Variants in PTER observed in about 807,000 individuals in gnomAD.
PTER encodes the protein phosphotriesterase related.
In PTER, 38 loss-of-function variants were observed where a neutral mutation model predicts 29.6. The ratio of observed to expected loss-of-function variants is 1.28; its 90% CI spans 0.99 to 1.68. The LOEUF (loss-of-function observed/expected upper bound fraction) is 1.68, where lower values mean the gene tolerates loss of function less well. PTER is among the 40% of genes most tolerant of loss of function. The pLI, the probability that PTER is intolerant of heterozygous loss-of-function variation, is 0.00. For missense variants in PTER, 482 were observed against 427.8 expected (o/e 1.13, Z -1.12); for synonymous variants, 172 against 154.5 (o/e 1.11, Z -0.84).
chr10:16,472,013 TCC>T (rs1378715382), intron 1 of PTER, among the ~76,000 whole-genome samples: 1 of 152,218 alleles, frequency 6.6e-6, no homozygotes, highest in African/African-American at 2.4e-5. Context: ...ACTACAATCT[TCC>T]TATTTTCACA....
chr10:16,495,267 T>C (rs1265068746), intron 3 of PTER, among the ~76,000 whole-genome samples: 7 of 150,742 alleles, frequency 4.6e-5, no homozygotes, highest in Admixed American at 4.0e-4. Flanking sequence ...ACCTCCCAGG[T>C]TCAAGCGATT....
intron 1 of PTER, among the ~76,000 whole-genome samples, chr10:16,450,767 G>A (rs1338230078): frequency 1.3e-5 from 2 of 152,114 alleles, no homozygotes; most frequent in African/African-American, 2.4e-5. Flanking sequence ...CTTGTCCAGC[G>A]AACTAAGTAG....
rs139856562 is a variant in PTER at position 16,462,562 on chromosome 10, A to G, written c.-48-21775A>G. Among the ~76,000 whole-genome samples the G allele has an allele frequency of 1.4e-3, 209 of 144,800 alleles. 1 individual carries two copies. The East Asian group carries it at 0.018, about 12-fold the overall frequency. The allele number at this position is 144,800 out of a possible 152,430, so 95.0% of individuals were successfully genotyped here. ...CTGCGATTTGTGCTGTGTCTTCCAC[A>G]TAATCTACTTTTTTTTTTTTTTTTT... On this transcript the variant is annotated intron_variant, in intron 1 of 4. Coordinates refer to ENST00000535784, the MANE Select transcript of PTER (RefSeq NM_001261836.2).
In PTER at chr10:16,468,763, C is replaced by T. The variant is rs139147669; in HGVS notation, c.-48-15574C>T. On this transcript the variant is annotated intron_variant, in intron 1 of 4. Transcript: ENST00000535784. ...CCAAGGTGGGAGGATCCCTTGAGTC[C>T]AGGAGTTCAAAACCAGCCTGGGCAA... 4.9e-3 allele frequency among the ~76,000 whole-genome samples: 749 copies of T among 152,054 alleles called. 13 individuals carry two copies. Among genetic ancestry groups the T allele is most frequent in the African/African-American group, 0.017 (715 of 41,494 alleles).
At chr10:16,503,788 C>G (rs11254035) in intron 3 of PTER, among the ~76,000 whole-genome samples, 10,143 of 152,232 alleles carry the variant, frequency 0.067, 668 homozygotes, top group African/African-American at 0.16. Context: ...GATTCACCCA[C>G]CTCGGCCTCA....
chr10:16,453,981 T>C (rs929918406), intron 1 of PTER, among the ~76,000 whole-genome samples: 1 of 152,196 alleles, frequency 6.6e-6, no homozygotes, highest in African/African-American at 2.4e-5. Flanking sequence ...TTTGCCCAAA[T>C]ATGTGCTTCT....
chr10:16,483,000 T>C (rs1835538232), intron 1 of PTER, among the ~76,000 whole-genome samples: 1 of 152,178 alleles, frequency 6.6e-6, no homozygotes, highest in South Asian at 2.1e-4. Flanking sequence ...CAGGCTGGTC[T>C]CAAACTCCTG....
chr10:16,461,092 C>T (rs751944560), intron 1 of PTER, among the ~76,000 whole-genome samples: 7 of 152,104 alleles, frequency 4.6e-5, no homozygotes, highest in Non-Finnish European at 8.8e-5. Flanking sequence ...AGATTTTTCA[C>T]TTGCATAATT....
In PTER at chr10:16,486,805, C is replaced by A. The variant is rs1042053139; in HGVS notation, c.698+188C>A. 9.3e-6 allele frequency: 6 copies of A among 643,608 alleles called. No individual in the cohort carries two copies. The Admixed American group carries it at 1.9e-4, about 21-fold the overall frequency. The allele number at this position is 643,608 out of a possible 1,614,324, so 39.9% of individuals were successfully genotyped here. ...AAGTCAATGCTGCCATTTTTGTGTC[C>A]CTCCTCTGTGTCAGATAGTGTCCTA... On this transcript the variant is annotated intron_variant, in intron 3 of 4. Coordinates refer to ENST00000535784, the MANE Select transcript of PTER (RefSeq NM_001261836.2).
chr10:16,445,223 A>G (rs906426967), intron 1 of PTER, among the ~76,000 whole-genome samples: 1 of 152,220 alleles, frequency 6.6e-6, no homozygotes, highest in Admixed American at 6.5e-5. Flanking sequence ...TAAGTCGAGT[A>G]TGGTTTTAAC....
At chr10:16,441,426 C>A (rs1833845249) in intron 1 of PTER, among the ~76,000 whole-genome samples, 1 of 152,020 alleles carries the variant, frequency 6.6e-6, no homozygotes, top group African/African-American at 2.4e-5. Context: ...AATATGATTT[C>A]CTGGCTATCT....
intron 1 of PTER, among the ~76,000 whole-genome samples, chr10:16,452,637 T>C (rs1445365278): frequency 2.0e-5 from 3 of 151,800 alleles, no homozygotes; most frequent in Non-Finnish European, 4.4e-5. Context: ...TCCTCCTCCT[T>C]CTTCCTCTTC....
intron 1 of PTER, among the ~76,000 whole-genome samples, chr10:16,477,718 C>A (rs1422511735): frequency 6.6e-6 from 1 of 152,078 alleles, no homozygotes; most frequent in Non-Finnish European, 1.5e-5. Flanking sequence ...ACCTCTGAAC[C>A]CATCATTTTA....
At chr10:16,506,275 C>A (rs1056219419) in intron 4 of PTER, among the ~76,000 whole-genome samples, 1 of 151,952 alleles carries the variant, frequency 6.6e-6, no homozygotes, top group Non-Finnish European at 1.5e-5. Context: ...TTTCAAGAAG[C>A]GTGGCAGTGG....
chr10:16,510,583 C>G (rs1257377841), intron 4 of PTER, among the ~76,000 whole-genome samples: 1 of 152,116 alleles, frequency 6.6e-6, no homozygotes, highest in Non-Finnish European at 1.5e-5. Flanking sequence ...CCTTTTGTTT[C>G]CCTATTTTAA....
rs1274591459 is a variant in PTER at position 16,484,795 on chromosome 10, C to A, written c.411C>A (p.Thr137=). ...FYVDATHSSE[T]RAMSVEQLTD... Reference sequence around the variant, plus strand: ...TGGATGCAACTCACTCCTCAGAGACCAGGGCCATGTCAGTGGAGCAGGTAA... The same window carrying A: ...TGGATGCAACTCACTCCTCAGAGACAAGGGCCATGTCAGTGGAGCAGGTAA... Residue 137 remains threonine (T), a synonymous_variant, in exon 2 of 5, where the codon ACC becomes ACA. Coordinates refer to ENST00000535784, the MANE Select transcript of PTER (RefSeq NM_001261836.2). 3.7e-6 allele frequency: 6 copies of A among 1,607,496 alleles called. No homozygotes were observed. Among genetic ancestry groups the A allele is most frequent in the South Asian group, 1.1e-5 (1 of 89,652 alleles).
chr10:16,438,472 T>G (rs1032528176), intron 1 of PTER, among the ~76,000 whole-genome samples: 1 of 150,512 alleles, frequency 6.6e-6, no homozygotes, highest in Non-Finnish European at 1.5e-5. Context: ...GTTTTTTGTT[T>G]TTTTTTTTGT....
chr10:16,462,607 G>A (rs1486291028), intron 1 of PTER, among the ~76,000 whole-genome samples: 1 of 136,912 alleles, frequency 7.3e-6, no homozygotes, highest in Non-Finnish European at 1.5e-5. Flanking sequence ...GTCTCGCTCT[G>A]TTGACCAGGC....
chr10:16,514,405 T>A (rs1481225084), downstream of PTER: 2 of 729,340 alleles, frequency 2.7e-6, no homozygotes, highest in Admixed American at 5.1e-5. Context: ...AGCATTTGAT[T>A]TCCCCACATA....
Sources: allele counts gnomAD v4.1 joint callset (sites outside exome capture counted in the v4.1 genomes callset), GRCh38; gene constraint gnomAD v4.1.1; transcripts MANE v1.5; gene names NCBI Gene and HGNC (gene_info 2026-07-23, HGNC 2026-07-21).